Variants in SNX29 observed in about 807,000 individuals in gnomAD.
SNX29 encodes sorting nexin-29.
In SNX29, 78 loss-of-function variants were observed where a neutral mutation model predicts 102.1. That is an observed-to-expected ratio of 0.76 (90% CI 0.64 to 0.92). The LOEUF (loss-of-function observed/expected upper bound fraction) is 0.92, where lower values mean the gene tolerates loss of function less well. Ranked by LOEUF, SNX29 falls within the 40% of genes least tolerant of loss-of-function variation. The pLI is 0.00. For synonymous variants in SNX29, 580 were observed against 414.5 expected, an observed-to-expected ratio of 1.40 and a Z score of -4.85; for missense variants, 1,280 against 1,061.7, an observed-to-expected ratio of 1.21 and a Z score of -2.86.
Position 12,487,583 on chromosome 16 carries a change from C to T in SNX29, c.2178+9724C>T, listed in dbSNP as rs564655243. On this transcript the variant is annotated intron_variant, in intron 19 of 20. Coordinates refer to ENST00000566228, the MANE Select transcript of SNX29 (RefSeq NM_032167.5). ...CCCAGCCCTCCGTGGAGAAGCCAGC[C>T]GCACACGTCCATGCCCAAATCTAGG... Among the ~76,000 whole-genome samples the T allele has an allele frequency of 2.6e-5, 4 of 152,246 alleles. No individual in the cohort carries two copies. In the South Asian group the frequency reaches 6.2e-4, roughly 24 times the overall value.
chr16:12,183,828 C>T (rs1445753797), intron 13 of SNX29, among the ~76,000 whole-genome samples: 1 of 152,192 alleles, frequency 6.6e-6, no homozygotes, highest in Non-Finnish European at 1.5e-5. Context: ...TGAATCCCAC[C>T]AAAACCACGA....
chr16:12,560,144 CAA>C lies in SNX29; in HGVS notation c.2319-8361_2319-8360del, dbSNP rs1187022513. Among the ~76,000 whole-genome samples, 116 of 43,318 alleles carry C rather than the reference CAA, an allele frequency of 2.7e-3. 1 individual carries two copies. Among genetic ancestry groups the C allele is most frequent in the Non-Finnish European group, 8.8e-3 (96 of 10,962 alleles). The allele number at this position is 43,318 out of a possible 152,430, so 28.4% of individuals were successfully genotyped here. ...TAGTTCTGTGTTCCCCTCCCCCCCC[CAA>C]CAAACAGTAAAGCCTTTCTCACTTT... On this transcript the variant is annotated intron_variant, in intron 20 of 20. Coordinates refer to ENST00000566228, the MANE Select transcript of SNX29 (RefSeq NM_032167.5).
chr16:12,495,684 T>A (rs1241750125), intron 19 of SNX29, among the ~76,000 whole-genome samples: 1 of 152,228 alleles, frequency 6.6e-6, no homozygotes, highest in Non-Finnish European at 1.5e-5. Flanking sequence ...TTTGGAGATA[T>A]CACTGCCCTG....
chr16:12,548,494 G>A (rs141545885), intron 20 of SNX29, among the ~76,000 whole-genome samples: 1 of 152,188 alleles, frequency 6.6e-6, no homozygotes, highest in Non-Finnish European at 1.5e-5. Context: ...GACTAGTCAG[G>A]GTTGTCTTGT....
At chr16:12,364,093 A>C (rs544424402) in intron 16 of SNX29, among the ~76,000 whole-genome samples, 1 of 152,248 alleles carries the variant, frequency 6.6e-6, no homozygotes, top group African/African-American at 2.4e-5. Context: ...CCTAGACTTA[A>C]GCAATCCTCC....
In SNX29 at chr16:12,098,753, A is replaced by T. The variant is rs1216313904; in HGVS notation, c.1402+19838A>T. On this transcript the variant is annotated intron_variant, in intron 11 of 20. Coordinates refer to ENST00000566228, the MANE Select transcript of SNX29 (RefSeq NM_032167.5). This position sits in a 1 kb window ranked among gnomAD's most constrained non-coding sequence, Gnocchi z 6.0. ...TCATCAGTAAAGCTGGTTGGAAAAC[A>T]GAGCTTTGAACCTGTGGGAAGGTGG... Among the ~76,000 whole-genome samples, 1 of 152,238 alleles carries T rather than the reference A, an allele frequency of 6.6e-6. No homozygotes were observed. The highest frequency in any genetic ancestry group is 1.5e-5 in the Non-Finnish European group (1 of 68,042).
intron 14 of SNX29, among the ~76,000 whole-genome samples, chr16:12,232,489 C>G (rs1206795094): frequency 1.3e-5 from 2 of 152,196 alleles, no homozygotes; most frequent in Admixed American, 1.3e-4. Context: ...CCACTGCACT[C>G]CAGGCTGGGC....
chr16:12,041,884 C>G (rs1044857244), intron 4 of SNX29, among the ~76,000 whole-genome samples: 12 of 152,200 alleles, frequency 7.9e-5, no homozygotes, highest in Admixed American at 3.9e-4. Flanking sequence ...CAGCCTACAG[C>G]AAATGTTGAT....
At chr16:12,562,519 G>C (rs533191135) in intron 20 of SNX29, among the ~76,000 whole-genome samples, 3 of 152,194 alleles carry the variant, frequency 2.0e-5, no homozygotes, top group Non-Finnish European at 4.4e-5. Flanking sequence ...AAGTACACCT[G>C]CTGGTGAATG....
Position 12,051,845 on chromosome 16 carries a change from A to G in SNX29, c.749-2A>G. ...CTGTATCTTTTTTTTTTTTTTTGCC[A>G]GATGCCAAATGCAAAAAGGAGCGGA... On this transcript the variant is annotated splice_acceptor_variant, in intron 7 of 20. Coordinates refer to ENST00000566228, the MANE Select transcript of SNX29 (RefSeq NM_032167.5). LOFTEE classifies it high-confidence loss of function. 6.3e-7 allele frequency: 1 copy of G among 1,577,986 alleles called. No homozygotes were observed. The highest frequency in any genetic ancestry group is 8.5e-7 in the Non-Finnish European group (1 of 1,169,978).
At chr16:12,476,902 A>G (rs1426541022) in intron 18 of SNX29, among the ~76,000 whole-genome samples, 1 of 152,110 alleles carries the variant, frequency 6.6e-6, no homozygotes, top group Non-Finnish European at 1.5e-5. Context: ...GTGTATTGAC[A>G]CTCATGGAGT....
intron 20 of SNX29, among the ~76,000 whole-genome samples, chr16:12,563,358 C>G (rs1350400172): frequency 6.6e-6 from 1 of 151,926 alleles, no homozygotes; most frequent in African/African-American, 2.4e-5. Context: ...CTGAGCCTGT[C>G]TTTTATCGCC....
intron 14 of SNX29, among the ~76,000 whole-genome samples, chr16:12,201,790 C>CA (rs745515379): frequency 1.3e-5 from 2 of 152,176 alleles, no homozygotes; most frequent in Non-Finnish European, 2.9e-5. Context: ...GGATTCAGTA[C>CA]AAAAAGACCA....
At chr16:12,553,617 T>C (rs2078133358) in intron 20 of SNX29, among the ~76,000 whole-genome samples, 1 of 122,698 alleles carries the variant, frequency 8.2e-6, no homozygotes, top group South Asian at 2.9e-4. Flanking sequence ...CAAGATGGAA[T>C]TTTGTGCTTG....
At chr16:12,425,606 A>G (rs1489482903) in intron 18 of SNX29, among the ~76,000 whole-genome samples, 2 of 151,698 alleles carry the variant, frequency 1.3e-5, no homozygotes, top group Admixed American at 6.6e-5. Flanking sequence ...GAAGAGGCAG[A>G]TAGAGACAAG....
chr16:12,258,418 G>A (rs1267903687), intron 14 of SNX29, among the ~76,000 whole-genome samples: 1 of 152,108 alleles, frequency 6.6e-6, no homozygotes, highest in Non-Finnish European at 1.5e-5. Context: ...TCAGTTCTCT[G>A]TGTGGTTGAG....
rs1410915586 is a variant in SNX29 at position 12,175,265 on chromosome 16, TATA to T, written c.1596-24335_1596-24333del. 2.1e-4 allele frequency among the ~76,000 whole-genome samples: 32 copies of T among 152,274 alleles called. No individual in the cohort carries two copies. In the East Asian group the frequency reaches 6.2e-3, roughly 29 times the overall value. On this transcript the variant is annotated intron_variant, in intron 13 of 20. Transcript: ENST00000566228. ...GAATTATGTCCGCCTACCCCCCGAA[TATA>T]TATGTTAAGCCCTAACTCCCAATGT... is the stretch of plus-strand genomic sequence containing the variant.
chr16:12,293,544 A>G (rs2079874742), intron 15 of SNX29, among the ~76,000 whole-genome samples: 1 of 152,208 alleles, frequency 6.6e-6, no homozygotes, highest in African/African-American at 2.4e-5. Flanking sequence ...AGCCTGAAAG[A>G]GACTTGAAAT....
chr16:12,530,053 C>G lies in SNX29; in HGVS notation c.2318+5212C>G, dbSNP rs144440536. 1.6e-3 allele frequency among the ~76,000 whole-genome samples: 242 copies of G among 152,294 alleles called. 1 individual carries two copies. Among genetic ancestry groups the G allele is most frequent in the African/African-American group, 5.6e-3 (231 of 41,546 alleles). On this transcript the variant is annotated intron_variant, in intron 20 of 20. Transcript: ENST00000566228. ...GTGACTTTCCATGGGCAAGTGTGTCCCAGTTCGGCACCGTTCCAACTACTC... is the reference window on the plus strand; with the variant it reads ...GTGACTTTCCATGGGCAAGTGTGTCGCAGTTCGGCACCGTTCCAACTACTC...
Sources: gnomAD v4.1 joint callset for allele counts (sites outside exome capture counted in the v4.1 genomes callset) on GRCh38, gnomAD v4.1.1 for gene constraint, Gnocchi (gnomAD v3.1) non-coding constraint, MANE v1.5 for transcripts, NCBI Gene and HGNC (gene_info 2026-07-23, HGNC 2026-07-21) for gene names.